The following CDC42BPA variants were observed in gnomAD, a reference collection of about 807,000 sequenced individuals.
CDC42BPA encodes CDC42 binding protein kinase alpha.
In CDC42BPA, 80 loss-of-function variants were observed where a neutral mutation model predicts 223.5. That is an observed-to-expected ratio of 0.36 (90% CI 0.30 to 0.43). The LOEUF (loss-of-function observed/expected upper bound fraction) is 0.43, where lower values mean the gene tolerates loss of function less well. CDC42BPA is among the 20% of genes least tolerant of loss of function. CDC42BPA has a pLI of 1.00. For synonymous variants in CDC42BPA, 694 were observed against 718.6 expected (o/e 0.97, Z 0.55); for missense variants, 1,743 against 2,099.9 (o/e 0.83, Z 3.32).
At chr1:227,275,951 A>ACAACCTCCACCTTCCAG (rs1553430810) in intron 1 of CDC42BPA, among the ~76,000 whole-genome samples, 1 of 124,846 alleles carries the variant, frequency 8.0e-6, no homozygotes, top group East Asian at 4.7e-4. Context: ...TCGGCTCGCT[A>ACAACCTCCACCTTCCAG]CAACCTCCAC....
chr1:227,243,310 CCT>C (rs1311371531), intron 2 of CDC42BPA, among the ~76,000 whole-genome samples: 6 of 152,248 alleles, frequency 3.9e-5, no homozygotes, highest in African/African-American at 1.4e-4. Context: ...CAAGTGTACC[CCT>C]GACCTTAAGA....
intron 21 of CDC42BPA, among the ~76,000 whole-genome samples, chr1:227,054,527 T>C (rs2148895277): frequency 6.6e-6 from 1 of 152,292 alleles, no homozygotes. Flanking sequence ...TGTTAAAACA[T>C]TTACCAGCAT....
chr1:227,023,227 A>T, intron 32 of CDC42BPA, 36 bp downstream of exon 32: 1 of 994,460 alleles, frequency 1.0e-6, no homozygotes, highest in Admixed American at 2.1e-5. Context: ...AATATTTCCA[A>T]TGAAGCTATC....
At chr1:227,000,511 T>C (rs993075604) in intron 35 of CDC42BPA, among the ~76,000 whole-genome samples, 2 of 152,184 alleles carry the variant, frequency 1.3e-5, no homozygotes, top group African/African-American at 2.4e-5. Context: ...TTAAGCAAGT[T>C]ATTTTACCTT....
intron 5 of CDC42BPA, among the ~76,000 whole-genome samples, chr1:227,180,273 T>G (rs1667722412): frequency 6.6e-6 from 1 of 152,136 alleles, no homozygotes; most frequent in Non-Finnish European, 1.5e-5. Flanking sequence ...TCTCAATTTT[T>G]TCCAAAAAGC....
At chr1:227,162,825 G>C (rs887844438) in intron 5 of CDC42BPA, among the ~76,000 whole-genome samples, 1 of 149,868 alleles carries the variant, frequency 6.7e-6, no homozygotes, top group Non-Finnish European at 1.5e-5. Context: ...GATGGAATGA[G>C]AAACTGTCTC....
chr1:227,153,096 A>G (rs1165934258), intron 6 of CDC42BPA, among the ~76,000 whole-genome samples: 1 of 152,064 alleles, frequency 6.6e-6, no homozygotes, highest in Non-Finnish European at 1.5e-5. Flanking sequence ...AAGAAAAGTT[A>G]ACACATTTAC....
At chr1:227,225,885 T>C (rs1676776216) in intron 2 of CDC42BPA, among the ~76,000 whole-genome samples, 1 of 152,232 alleles carries the variant, frequency 6.6e-6, no homozygotes, top group Non-Finnish European at 1.5e-5. Context: ...TCAAAGGAGA[T>C]GAGTGCTTGG....
intron 5 of CDC42BPA, among the ~76,000 whole-genome samples, chr1:227,188,372 A>T (rs539751143): frequency 6.6e-6 from 1 of 151,126 alleles, no homozygotes; most frequent in African/African-American, 2.4e-5. Context: ...AAGAAAAGTT[A>T]AAAAATAGAA....
At chr1:227,173,626 G>T (rs1164055097) in intron 5 of CDC42BPA, among the ~76,000 whole-genome samples, 1 of 152,004 alleles carries the variant, frequency 6.6e-6, no homozygotes, top group Non-Finnish European at 1.5e-5. Flanking sequence ...TCCCTGGCTG[G>T]CAATACTCGG....
At chr1:226,995,121 G>C (rs1661359885) in intron 35 of CDC42BPA, 141 bp from the exon 36 acceptor site, 1 of 702,778 alleles carries the variant, frequency 1.4e-6, no homozygotes, top group Admixed American at 2.6e-5. Flanking sequence ...TCCAACTGTA[G>C]TACCTTTGCC....
In CDC42BPA at chr1:227,100,987, C is replaced by T; in HGVS notation, c.2249+5G>A. On this transcript the variant is annotated splice_donor_5th_base_variant and intron_variant, in intron 15 of 36. Transcript: ENST00000366766. ...TTACTGTATAGTAAATAATGTGATT[C>T]TTACCTTTCTCTTCTGGTTTTTTCC... The T allele has an allele frequency of 1.4e-6, 2 of 1,464,986 alleles. No individual in the cohort carries two copies. Among genetic ancestry groups the T allele is most frequent in the South Asian group, 2.4e-5 (2 of 84,842 alleles). The allele number at this position is 1,464,986 out of a possible 1,614,324, so 90.7% of individuals were successfully genotyped here.
At chr1:227,262,433 C>T (rs1684245322) in intron 1 of CDC42BPA, among the ~76,000 whole-genome samples, 1 of 151,962 alleles carries the variant, frequency 6.6e-6, no homozygotes. Flanking sequence ...GAGAATCATA[C>T]ACTCCTCCAA....
At chr1:227,059,265 G>A (rs1675271574) in intron 21 of CDC42BPA, 1 of 875,242 alleles carries the variant, frequency 1.1e-6, no homozygotes, top group Admixed American at 2.1e-5. Flanking sequence ...TGCAATAGAT[G>A]TAATAATATA....
chr1:227,062,905 A>T (rs1028571164), intron 21 of CDC42BPA, among the ~76,000 whole-genome samples: 1 of 152,072 alleles, frequency 6.6e-6, no homozygotes, highest in Admixed American at 6.5e-5. Context: ...CATGGAAAAG[A>T]GCATGAATAT....
At chr1:227,274,259 C>T (rs957527812) in intron 1 of CDC42BPA, among the ~76,000 whole-genome samples, 5 of 152,102 alleles carry the variant, frequency 3.3e-5, no homozygotes, top group African/African-American at 9.7e-5. Context: ...CTTATAATAG[C>T]TATGATCCAA....
At chr1:227,207,735 T>C (rs1673059168) in intron 3 of CDC42BPA, among the ~76,000 whole-genome samples, 1 of 148,424 alleles carries the variant, frequency 6.7e-6, no homozygotes. Context: ...ATGGTGTATA[T>C]GTGCCACATT....
intron 6 of CDC42BPA, among the ~76,000 whole-genome samples, chr1:227,157,975 T>TTTTA (rs1663129006): frequency 6.6e-6 from 1 of 151,974 alleles, no homozygotes. Context: ...TTTTCTTTTT[T>TTTTA]GAGACGCAGT....
intron 5 of CDC42BPA, among the ~76,000 whole-genome samples, chr1:227,168,807 T>A (rs1665599777): frequency 6.6e-6 from 1 of 152,126 alleles, no homozygotes; most frequent in African/African-American, 2.4e-5. Flanking sequence ...CCCTGGTGTT[T>A]CTTGAGCATC....
Sources: allele counts gnomAD v4.1 joint callset (sites outside exome capture counted in the v4.1 genomes callset), GRCh38; gene constraint gnomAD v4.1.1; transcripts MANE v1.5; gene names NCBI Gene and HGNC (gene_info 2026-07-23, HGNC 2026-07-21).